The following WDR64 variants were observed in gnomAD, a reference collection of about 807,000 sequenced individuals.
WDR64 encodes WD repeat-containing protein 64.
WDR64 carries 112 observed loss-of-function variants against 139.3 expected under a neutral mutation model. That is an observed-to-expected ratio of 0.80 (90% CI 0.69 to 0.94). The LOEUF (loss-of-function observed/expected upper bound fraction) is 0.94, where lower values mean the gene tolerates loss of function less well. Among genes scored for constraint, WDR64 ranks in the 40% least tolerant of loss-of-function variants. The pLI, the probability that WDR64 is intolerant of heterozygous loss-of-function variation, is 0.00. For missense variants in WDR64, 1,206 were observed against 1,293.1 expected (o/e 0.93, Z 1.03); for synonymous variants, 444 against 437.7 (o/e 1.01, Z -0.18).
chr1:241,666,636 C>G (rs887910912), intron 2 of WDR64, among the ~76,000 whole-genome samples: 1 of 152,076 alleles, frequency 6.6e-6, no homozygotes, highest in Non-Finnish European at 1.5e-5. Flanking sequence ...TTTAAATTAG[C>G]GAGGAAGATA....
At chr1:241,706,999 A>C (rs771382722) in intron 8 of WDR64, among the ~76,000 whole-genome samples, 1 of 151,796 alleles carries the variant, frequency 6.6e-6, no homozygotes, top group Admixed American at 6.6e-5. Flanking sequence ...CCTGTTGTGC[A>C]TGTTGGCTGG....
chr1:241,704,117 A>G (rs918494793), intron 8 of WDR64, among the ~76,000 whole-genome samples: 1 of 152,158 alleles, frequency 6.6e-6, no homozygotes, highest in Non-Finnish European at 1.5e-5. Flanking sequence ...ATTGTACACG[A>G]AACTGTGAGT....
chr1:241,770,157 T>C (rs1353532063), intron 17 of WDR64, among the ~76,000 whole-genome samples: 3 of 152,088 alleles, frequency 2.0e-5, no homozygotes, highest in Non-Finnish European at 2.9e-5. Flanking sequence ...TCTGAGAATA[T>C]TTTGAGGACT....
At chr1:241,664,869 A>G (rs912146553) in intron 2 of WDR64, among the ~76,000 whole-genome samples, 2 of 151,998 alleles carry the variant, frequency 1.3e-5, no homozygotes, top group Non-Finnish European at 2.9e-5. Context: ...TGGGACTGAG[A>G]TTTTTCTCCC....
intron 27 of WDR64, 73 bp downstream of exon 27, chr1:241,796,443 T>A: frequency 9.7e-7 from 1 of 1,025,840 alleles, no homozygotes; most frequent in Non-Finnish European, 1.4e-6. Flanking sequence ...TTTAAAAATA[T>A]GTCTCTGCTT....
At chr1:241,740,670 T>A (rs921492729) in intron 11 of WDR64, among the ~76,000 whole-genome samples, 1 of 151,892 alleles carries the variant, frequency 6.6e-6, no homozygotes, top group Non-Finnish European at 1.5e-5. Flanking sequence ...TTTTTAATCT[T>A]AATTTTTATT....
chr1:241,674,289 C>T (rs1164507201), intron 3 of WDR64, among the ~76,000 whole-genome samples: 3 of 124,262 alleles, frequency 2.4e-5, no homozygotes, highest in African/African-American at 6.1e-5. Context: ...GACAGGGTCT[C>T]GCTCTGTCAC....
chr1:241,778,947 C>T (rs953541926), intron 21 of WDR64, among the ~76,000 whole-genome samples: 10 of 151,976 alleles, frequency 6.6e-5, no homozygotes, highest in Non-Finnish European at 1.5e-4. Flanking sequence ...TTTATCTTTG[C>T]TTATTCCTTG....
At chr1:241,741,226 GA>G (rs1669527763) in intron 11 of WDR64, among the ~76,000 whole-genome samples, 1 of 152,202 alleles carries the variant, frequency 6.6e-6, no homozygotes, top group Non-Finnish European at 1.5e-5. Flanking sequence ...TGAAATATAG[GA>G]AAATGAGGTT....
Position 241,769,426 on chromosome 1 carries a change from A to G in WDR64, c.2104A>G (p.Thr702Ala). 6.4e-7 allele frequency: 1 copy of G among 1,551,494 alleles called. No individual in the cohort carries two copies. Among genetic ancestry groups the G allele is most frequent in the East Asian group, 2.4e-5 (1 of 40,912 alleles). Residue 702 changes from threonine to alanine, a missense_variant, in exon 17 of 28, where the codon ACT (threonine) becomes GCT (alanine). By Grantham distance (58) the Thr-to-Ala change is moderately conservative. Transcript: ENST00000437684. ...KKVYRPEDCF[T>A]VNPDLHPKHF... The stretch of plus-strand genomic sequence containing the variant: ...TAGGTACCGACCTGAAGATTGCTTC[A>G]CTGTAAACCCTGACTTGCATCCCAA...
At chr1:241,735,644 C>G (rs755689205) in intron 10 of WDR64, among the ~76,000 whole-genome samples, 2 of 149,892 alleles carry the variant, frequency 1.3e-5, no homozygotes, top group Non-Finnish European at 3.0e-5. Flanking sequence ...AAGCGATTCT[C>G]CTGTCTCAGC....
chr1:241,686,923 G>A (rs1195726812), intron 7 of WDR64, among the ~76,000 whole-genome samples: 2 of 152,142 alleles, frequency 1.3e-5, no homozygotes, highest in Non-Finnish European at 2.9e-5. Context: ...CTTCTAGATT[G>A]TTCTTTTAAT....
In WDR64 at chr1:241,711,876, C is replaced by G; in HGVS notation, c.1049C>G (p.Thr350Ser). The change falls in exon 9 of 28, where the codon ACT becomes AGT. Residue 350 changes from threonine to serine, a missense_variant. Physicochemically the swap from Thr to Ser is moderately conservative, Grantham distance 58. Transcript: ENST00000437684. ...TGTGTTAAGGCAAATGTGATTGTCA[C>G]TGGAGGTGAGAGGGCGGTTCACATT... ...CYCVKANVIV[T>S]GGDDKVIRLW... The G allele has an allele frequency of 6.2e-7, 1 of 1,614,140 alleles. No individual in the cohort carries two copies. Among genetic ancestry groups the G allele is most frequent in the Non-Finnish European group, 8.5e-7 (1 of 1,180,026 alleles).
intron 27 of WDR64, among the ~76,000 whole-genome samples, chr1:241,800,776 A>C (rs1188095187): frequency 2.0e-5 from 3 of 152,218 alleles, no homozygotes; most frequent in Admixed American, 6.5e-5. Flanking sequence ...ATTAATTATT[A>C]ATTGTGCTCG....
At chr1:241,728,713 G>A (rs1183106436) in intron 10 of WDR64, among the ~76,000 whole-genome samples, 1 of 152,108 alleles carries the variant, frequency 6.6e-6, no homozygotes, top group Admixed American at 6.5e-5. Context: ...AAAATGCAGA[G>A]ACAAATATAA....
rs574110006 is a variant in WDR64 at position 241,657,871 on chromosome 1, C to T, written c.146-2659C>T. ...GGTAAACACACCTTTAGCCACCATC[C>T]AGATCAAGACAGGGAACATTTCTAG... On this transcript the variant is annotated intron_variant, in intron 1 of 27. Transcript: ENST00000437684. Among the ~76,000 whole-genome samples the T allele has an allele frequency of 3.0e-4, 45 of 152,320 alleles. No individual in the cohort carries two copies. In the South Asian group the frequency reaches 9.3e-3, roughly 32 times the overall value.
chr1:241,760,920 C>T (rs1260238892), intron 15 of WDR64, among the ~76,000 whole-genome samples: 2 of 151,908 alleles, frequency 1.3e-5, no homozygotes, highest in Admixed American at 1.3e-4. Context: ...CGCCCACCAC[C>T]ACGCCCGGCT....
At chr1:241,787,046 G>T (rs1300789738) in intron 23 of WDR64, among the ~76,000 whole-genome samples, 1 of 152,084 alleles carries the variant, frequency 6.6e-6, no homozygotes, top group Non-Finnish European at 1.5e-5. Flanking sequence ...GCAGACTACA[G>T]TCTAACTGAT....
chr1:241,742,308 G>C (rs551337138), intron 12 of WDR64, among the ~76,000 whole-genome samples: 55 of 152,176 alleles, frequency 3.6e-4, no homozygotes, highest in Admixed American at 2.2e-3. Flanking sequence ...CTTGAATGAG[G>C]CTGGGTAAAA....
Sources: allele counts gnomAD v4.1 joint callset (sites outside exome capture counted in the v4.1 genomes callset), GRCh38; gene constraint gnomAD v4.1.1; transcripts MANE v1.5; gene names NCBI Gene and HGNC (gene_info 2026-07-23, HGNC 2026-07-21).